Variants in DDHD1 observed in about 807,000 individuals in gnomAD.
DDHD1 encodes the protein phospholipase DDHD1.
In DDHD1, 49 loss-of-function variants were observed where a neutral mutation model predicts 96.4. The observed-to-expected ratio is 0.51, with a 90% CI of 0.40 to 0.64. The LOEUF (loss-of-function observed/expected upper bound fraction) is 0.64, where lower values mean the gene tolerates loss of function less well. Ranked by LOEUF, DDHD1 falls within the 30% of genes least tolerant of loss-of-function variation. DDHD1 has a pLI of 0.00. For missense variants in DDHD1, 1,106 were observed against 1,161.2 expected (o/e 0.95, Z 0.69); for synonymous variants, 442 against 446.5 (o/e 0.99, Z 0.13).
chr14:53,117,925 A>G (rs1322519429), intron 1 of DDHD1, among the ~76,000 whole-genome samples: 3 of 152,134 alleles, frequency 2.0e-5, no homozygotes, highest in African/African-American at 7.2e-5. Context: ...CACCTCAAAC[A>G]GGCGGGTGCC....
rs554995836 is a variant in DDHD1, at chr14:53,073,905, T to C, written c.1290-58A>G. ...AGCTTTATGAGAATAACTTCACATA[T>C]AAATTTATATGAGATAAAATGTGTT... On this transcript the variant is annotated intron_variant, in intron 4 of 12. Coordinates refer to ENST00000673822, the MANE Select transcript of DDHD1 (RefSeq NM_001160148.2). 9 of 1,426,298 alleles carry C rather than the reference T, an allele frequency of 6.3e-6. No homozygotes were observed. In the East Asian group the frequency reaches 2.1e-4, roughly 33 times the overall value. The allele number at this position is 1,426,298 out of a possible 1,614,324, so 88.4% of individuals were successfully genotyped here. A position where few individuals can be genotyped will look rare whatever the true frequency, so the allele number is the denominator to read the frequency against.
At chr14:53,114,275 G>T (rs1566578091) in intron 1 of DDHD1, among the ~76,000 whole-genome samples, 1 of 152,204 alleles carries the variant, frequency 6.6e-6, no homozygotes, top group African/African-American at 2.4e-5. Flanking sequence ...GGGGGAAGGG[G>T]TGGCTGTGGG....
chr14:53,096,677 T>C lies in DDHD1; in HGVS notation c.1013-3233A>G, dbSNP rs1394787344. On this transcript the variant is annotated intron_variant, in intron 2 of 12. Transcript: ENST00000673822. ...ACCTTCCTGAGAAGATACCACAGCATACATTCTACTAGATGCTTTCCACTG... is the reference window on the plus strand; with the variant it reads ...ACCTTCCTGAGAAGATACCACAGCACACATTCTACTAGATGCTTTCCACTG... 5.9e-5 allele frequency among the ~76,000 whole-genome samples: 9 copies of C among 151,940 alleles called. No homozygotes were observed. The East Asian group carries it at 1.5e-3, about 26-fold the overall frequency.
chr14:53,052,131 A>G (rs937369893), intron 11 of DDHD1, among the ~76,000 whole-genome samples: 6 of 152,058 alleles, frequency 3.9e-5, no homozygotes, highest in African/African-American at 1.4e-4. Context: ...ATAATCTCAT[A>G]ATCTGTTAAC....
Position 53,044,231 on chromosome 14 carries a change from T to C in DDHD1, c.*2537A>G, listed in dbSNP as rs1393034926. On this transcript the variant is annotated 3_prime_UTR_variant, in exon 13 of 13. Coordinates refer to ENST00000673822, the MANE Select transcript of DDHD1 (RefSeq NM_001160148.2). Reference sequence around the variant, plus strand: ...TGAAAACAAAACATCCATCCAGTAGTCCAGAATATCTTATTTTTGAAAAGG... The same window carrying C: ...TGAAAACAAAACATCCATCCAGTAGCCCAGAATATCTTATTTTTGAAAAGG... 1 of 152,166 alleles carries C rather than the reference T, an allele frequency of 6.6e-6. No individual in the cohort carries two copies. Among genetic ancestry groups the C allele is most frequent in the African/African-American group, 2.4e-5 (1 of 41,434 alleles). The allele number at this position is 152,166 out of a possible 1,614,324, so 9.4% of individuals were successfully genotyped here.
Position 53,103,831 on chromosome 14 carries a change from A to T in DDHD1, c.864T>A (p.Arg288=). ...AAGTGCCGTCAATAAACCACTGTCC[A>T]CGCATTACTGGTATTTTATCAGCCT... ...WNQADKIPVM[R]GQWFIDGTWQ... Residue 288 remains arginine (R), a synonymous_variant, in exon 2 of 13, where the codon CGT becomes CGA. Transcript: ENST00000673822. The T allele has an allele frequency of 1.2e-6, 2 of 1,606,496 alleles. No individual in the cohort carries two copies. Among genetic ancestry groups the T allele is most frequent in the Non-Finnish European group, 1.7e-6 (2 of 1,177,794 alleles).
At chr14:53,144,985 A>G (rs1025540664) in intron 1 of DDHD1, among the ~76,000 whole-genome samples, 5 of 152,048 alleles carry the variant, frequency 3.3e-5, no homozygotes, top group African/African-American at 1.2e-4. Flanking sequence ...CCCTGTCTCC[A>G]CTAAAAATAT....
At chr14:53,113,911 C>T (rs763426343) in intron 1 of DDHD1, among the ~76,000 whole-genome samples, 10 of 152,174 alleles carry the variant, frequency 6.6e-5, no homozygotes, top group Non-Finnish European at 1.3e-4. Context: ...GCCAGGGAGC[C>T]AAGTGGTCTC....
At chr14:53,056,640 G>A (rs542645499) in intron 9 of DDHD1, among the ~76,000 whole-genome samples, 22 of 152,100 alleles carry the variant, frequency 1.4e-4, no homozygotes, top group African/African-American at 2.9e-4. Context: ...ACTAGGTCTC[G>A]GAGCCCTGAG....
chr14:53,074,735 CCT>C (rs2139922065), intron 4 of DDHD1, among the ~76,000 whole-genome samples: 1 of 152,094 alleles, frequency 6.6e-6, no homozygotes, highest in Non-Finnish European at 1.5e-5. Flanking sequence ...AAAGGCATAC[CCT>C]GTTTTACTGC....
intron 4 of DDHD1, among the ~76,000 whole-genome samples, chr14:53,084,140 G>C (rs146716228): frequency 2.0e-5 from 3 of 152,024 alleles, no homozygotes; most frequent in South Asian, 2.1e-4. Flanking sequence ...GACTAGCTGG[G>C]ACTTTTGGAA....
At chr14:53,073,292 G>A (rs749796297) in intron 5 of DDHD1, among the ~76,000 whole-genome samples, 3 of 151,868 alleles carry the variant, frequency 2.0e-5, no homozygotes, top group Non-Finnish European at 4.4e-5. Context: ...GGGAATGTAC[G>A]AAAAACAACA....
At chr14:53,125,255 T>A (rs529412086) in intron 1 of DDHD1, among the ~76,000 whole-genome samples, 1 of 152,350 alleles carries the variant, frequency 6.6e-6, no homozygotes, top group Non-Finnish European at 1.5e-5. Context: ...GAGAAGAGAC[T>A]TTAAATCACA....
intron 1 of DDHD1, among the ~76,000 whole-genome samples, chr14:53,122,109 G>A (rs1234107774): frequency 1.3e-5 from 2 of 152,182 alleles, no homozygotes; most frequent in African/African-American, 4.8e-5. Context: ...AGAAGAAGGT[G>A]TTTCTCCTTC....
chr14:53,151,878 T>C (rs747307924), intron 1 of DDHD1, among the ~76,000 whole-genome samples: 2 of 152,170 alleles, frequency 1.3e-5, no homozygotes, highest in Non-Finnish European at 2.9e-5. Context: ...GACGTGCCGC[T>C]ATTTAAATCA....
intron 1 of DDHD1, among the ~76,000 whole-genome samples, chr14:53,151,311 G>A (rs140133079): frequency 4.1e-4 from 62 of 152,292 alleles, no homozygotes; most frequent in African/African-American, 1.4e-3. Flanking sequence ...AAAATTAAAA[G>A]TGTATATTAC....
intron 1 of DDHD1, among the ~76,000 whole-genome samples, chr14:53,112,961 CT>C (rs112362897): frequency 2.9e-3 from 444 of 151,264 alleles, no homozygotes; most frequent in Middle Eastern, 0.01. Flanking sequence ...GTGACTTTCA[CT>C]TTTTTTTTGT....
rs1214651440 is a variant in DDHD1, at chr14:53,045,715, G to A, written c.*1053C>T. ...GAAAAGCACTGTGGAAACAATTACA[G>A]CTGAAGAAAACCCTTCCAATGCCTC... On this transcript the variant is annotated 3_prime_UTR_variant, in exon 13 of 13. Transcript: ENST00000673822. The A allele has an allele frequency of 6.6e-6, 1 of 152,168 alleles. No individual in the cohort carries two copies. Among genetic ancestry groups the A allele is most frequent in the African/African-American group, 2.4e-5 (1 of 41,432 alleles). 9.4% of individuals were successfully genotyped at this position (152,168 alleles called of 1,614,324 possible). A position where few individuals can be genotyped will look rare whatever the true frequency, so the allele number is the denominator to read the frequency against.
intron 1 of DDHD1, among the ~76,000 whole-genome samples, chr14:53,112,164 C>T (rs1303482880): frequency 1.3e-5 from 2 of 152,090 alleles, no homozygotes; most frequent in Admixed American, 1.3e-4. Flanking sequence ...CACCTGTAAT[C>T]CCAGCACTCT....
Sources: allele counts gnomAD v4.1 joint callset (sites outside exome capture counted in the v4.1 genomes callset), GRCh38; gene constraint gnomAD v4.1.1; transcripts MANE v1.5; gene names NCBI Gene and HGNC (gene_info 2026-07-23, HGNC 2026-07-21).